Variants in SIM1 observed in about 807,000 individuals in gnomAD.
The protein encoded by SIM1 is single-minded homolog 1.
In SIM1, 18 loss-of-function variants were observed where a neutral mutation model predicts 78.2. The ratio of observed to expected loss-of-function variants is 0.23; its 90% CI spans 0.16 to 0.34. The LOEUF (loss-of-function observed/expected upper bound fraction) is 0.34. SIM1 is among the 10% of genes least tolerant of loss of function. The pLI is 1.00. For synonymous variants in SIM1, 417 were observed against 385.2 expected, an observed-to-expected ratio of 1.08 and a Z score of -0.97; for missense variants, 939 against 975.1, an observed-to-expected ratio of 0.96 and a Z score of 0.49.
At chr6:100,430,223 A>T (rs1215195729) in intron 9 of SIM1, among the ~76,000 whole-genome samples, 1 of 152,248 alleles carries the variant, frequency 6.6e-6, no homozygotes, top group Non-Finnish European at 1.5e-5. Context: ...TATGCTCAGA[A>T]ATTCATTCCA....
intron 9 of SIM1, among the ~76,000 whole-genome samples, chr6:100,423,176 G>C (rs892177230): frequency 2.0e-5 from 3 of 152,086 alleles, no homozygotes; most frequent in Non-Finnish European, 2.9e-5. Context: ...CCAAAATGTG[G>C]CTCCCACTTA....
chr6:100,396,704 C>T (rs1770778119), intron 10 of SIM1, among the ~76,000 whole-genome samples: 1 of 152,318 alleles, frequency 6.6e-6, no homozygotes, highest in African/African-American at 2.4e-5. Context: ...ACCATCAAAA[C>T]TCTGAGCCAC....
chr6:100,412,932 T>C (rs1771297493), intron 10 of SIM1, among the ~76,000 whole-genome samples: 1 of 152,032 alleles, frequency 6.6e-6, no homozygotes, highest in Non-Finnish European at 1.5e-5. Flanking sequence ...GCAAATCTTG[T>C]AAACAGGGAT....
At chr6:100,409,837 A>G (rs994196759) in intron 10 of SIM1, among the ~76,000 whole-genome samples, 2 of 151,958 alleles carry the variant, frequency 1.3e-5, no homozygotes, top group East Asian at 3.9e-4. Flanking sequence ...AAATTTTTCA[A>G]TTTTCCTCCT....
At chr6:100,414,112 A>C (rs1771336469) in intron 10 of SIM1, among the ~76,000 whole-genome samples, 1 of 152,236 alleles carries the variant, frequency 6.6e-6, no homozygotes, top group Non-Finnish European at 1.5e-5. Context: ...GTATGAACAG[A>C]ATGTGATTTC....
intron 2 of SIM1, among the ~76,000 whole-genome samples, chr6:100,459,693 G>C (rs1350923876): frequency 6.6e-6 from 1 of 152,170 alleles, no homozygotes; most frequent in African/African-American, 2.4e-5. Flanking sequence ...TTTCAACTCT[G>C]TGATTATTTT....
At chr6:100,461,797 A>G (rs187661909) in intron 2 of SIM1, among the ~76,000 whole-genome samples, 52 of 150,678 alleles carry the variant, frequency 3.5e-4, no homozygotes, top group African/African-American at 1.2e-3. Context: ...GGTTTTTAGT[A>G]TATAAGTTCC....
chr6:100,391,902 G>A (rs1044115992), intron 11 of SIM1, among the ~76,000 whole-genome samples: 3 of 152,182 alleles, frequency 2.0e-5, no homozygotes, highest in Non-Finnish European at 2.9e-5. Context: ...GCCGGGCATG[G>A]TGGCTCACAC....
intron 10 of SIM1, among the ~76,000 whole-genome samples, chr6:100,405,684 G>T (rs982346436): frequency 6.6e-6 from 1 of 152,064 alleles, no homozygotes; most frequent in African/African-American, 2.4e-5. Context: ...TTAAAAATAT[G>T]CCTCAAATGT....
intron 10 of SIM1, among the ~76,000 whole-genome samples, chr6:100,402,490 T>G (rs867608840): frequency 4.6e-5 from 7 of 151,676 alleles, no homozygotes; most frequent in Middle Eastern, 3.2e-3. Flanking sequence ...AGAATCATGG[T>G]CAATTAGGTT....
chr6:100,422,775 T>C (rs145597000), intron 9 of SIM1, among the ~76,000 whole-genome samples: 4 of 152,316 alleles, frequency 2.6e-5, no homozygotes, highest in South Asian at 2.1e-4. Flanking sequence ...AATGTATACA[T>C]ACATTGAAAC....
intron 10 of SIM1, among the ~76,000 whole-genome samples, chr6:100,403,590 T>G (rs1562235797): frequency 6.6e-6 from 1 of 152,140 alleles, no homozygotes; most frequent in Non-Finnish European, 1.5e-5. Flanking sequence ...TAATACACTT[T>G]AGAAAAGGCA....
chr6:100,390,582 C>A lies in SIM1; in HGVS notation c.2080G>T (p.Val694Phe). ...TGAGAGCCAAAGCAGTTTGGAGAGA[C>A]AGTAGGGTGGTCTCCTGCTGTCTGA... is the stretch of plus-strand genomic sequence containing the variant. ...PHQTAGDHPT[V>F]SPNCFGSHRQ... The change falls in exon 12 of 12, where the codon GTC becomes TTC. Residue 694 changes from valine (V) to phenylalanine (F), a missense_variant. Val to Phe is a conservative substitution (Grantham distance 50). This residue lies in a region of SIM1 where 556 missense variants were observed against 521.9 expected (regional missense o/e 1.07). Transcript: ENST00000369208. The A allele has an allele frequency of 2.5e-6, 4 of 1,614,170 alleles. No individual in the cohort carries two copies. Among genetic ancestry groups the A allele is most frequent in the Non-Finnish European group, 3.4e-6 (4 of 1,180,018 alleles).
At chr6:100,401,036 A>G (rs965343923) in intron 10 of SIM1, among the ~76,000 whole-genome samples, 3 of 152,134 alleles carry the variant, frequency 2.0e-5, no homozygotes, top group African/African-American at 7.2e-5. Flanking sequence ...CAGGTGATCA[A>G]AATTAATATC....
chr6:100,416,762 A>G (rs1771411734), intron 10 of SIM1, among the ~76,000 whole-genome samples: 1 of 152,176 alleles, frequency 6.6e-6, no homozygotes, highest in Non-Finnish European at 1.5e-5. Context: ...TAAATCCATA[A>G]TGATCAGAAT....
At position 100,389,778 on chromosome 6, in the gene SIM1, C is replaced by A. The variant is rs776246157; in HGVS notation, c.*583G>T. 16 of 398,876 alleles carry A rather than the reference C, an allele frequency of 4.0e-5. No homozygotes were observed. Among genetic ancestry groups the A allele is most frequent in the Admixed American group, 8.8e-5 (2 of 22,762 alleles). The allele number at this position is 398,876 out of a possible 1,614,324, so 24.7% of individuals were successfully genotyped here. ...CTCATTTTTGCACCATATCCAGAAC[C>A]ATTTCTCTAATTTATGCCTGAACCA... is the stretch of plus-strand genomic sequence containing the variant. On this transcript the variant is annotated 3_prime_UTR_variant, in exon 12 of 12. Transcript: ENST00000369208.
Position 100,390,204 on chromosome 6 carries a change from CTA to C in SIM1, c.*155_*156del. 2.6e-6 allele frequency: 2 copies of C among 770,224 alleles called. No homozygotes were observed. The highest frequency in any genetic ancestry group is 4.1e-6 in the Non-Finnish European group (2 of 489,268). The allele number at this position is 770,224 out of a possible 1,614,324, so 47.7% of individuals were successfully genotyped here. On this transcript the variant is annotated 3_prime_UTR_variant, in exon 12 of 12. Transcript: ENST00000369208. ...CTGTGTATAACCCTGAATGCTAGTG[CTA>C]TGTTTTCTTTGATTTTATAGGAACA...
chr6:100,448,673 G>C lies in SIM1; in HGVS notation c.549C>G (p.Ile183Met). The change falls in exon 7 of 12, where the codon ATC (isoleucine) becomes ATG (methionine). Residue 183 changes from isoleucine to methionine, a missense_variant. Physicochemically the swap from Ile to Met is conservative, Grantham distance 10. Coordinates refer to ENST00000369208, the MANE Select transcript of SIM1 (RefSeq NM_005068.3). The stretch of plus-strand genomic sequence containing the variant: ...GGATCTTCAAGTAGCCGCTGCAGTG[G>C]ATGACCTGAGGCAGAGGGATAGGGA... ...AGLTCGGYKV[I>M]HCSGYLKIRQ... 1.2e-6 allele frequency: 2 copies of C among 1,610,240 alleles called. No homozygotes were observed. Among genetic ancestry groups the C allele is most frequent in the Non-Finnish European group, 1.7e-6 (2 of 1,179,874 alleles).
At chr6:100,460,551 C>G (rs540754311) in intron 2 of SIM1, among the ~76,000 whole-genome samples, 34 of 152,238 alleles carry the variant, frequency 2.2e-4, no homozygotes, top group African/African-American at 7.9e-4. Context: ...ATCCTTAAAG[C>G]TGTATTGAGG....
Sources: allele counts gnomAD v4.1 joint callset (sites outside exome capture counted in the v4.1 genomes callset), GRCh38; gene constraint gnomAD v4.1.1; regional missense constraint gnomAD v4.1.1; transcripts MANE v1.5; gene names NCBI Gene and HGNC (gene_info 2026-07-23, HGNC 2026-07-21).